Variants in CYP2A6 observed in about 807,000 individuals in gnomAD.
The protein encoded by CYP2A6 is cytochrome P450 family 2 subfamily A member 6, also known as cytochrome P450 2A6.
CYP2A6 carries 27 observed loss-of-function variants against 42.3 expected under a neutral mutation model. The observed-to-expected ratio is 0.64, with a 90% CI of 0.47 to 0.88. The LOEUF is 0.88. Among genes scored for constraint, CYP2A6 ranks in the 40% least tolerant of loss-of-function variants. The probability of loss-of-function intolerance (pLI) is 0.00; values close to 1 mark genes in which losing one functional copy is unlikely to be tolerated. For missense variants in CYP2A6, 628 were observed against 646.0 expected, an observed-to-expected ratio of 0.97 and a Z score of 0.30; for synonymous variants, 238 against 246.3, an observed-to-expected ratio of 0.97 and a Z score of 0.31.
chr19:40,845,896 C>T lies in CYP2A6; in HGVS notation c.973+60G>A, dbSNP rs1266706023. ...TCTGGGACAGGTGGGGACATTGCACCAGTCGAAGGGGAATTTTGAGGGTCT... is the reference window on the plus strand; with the variant it reads ...TCTGGGACAGGTGGGGACATTGCACTAGTCGAAGGGGAATTTTGAGGGTCT... On this transcript the variant is annotated intron_variant, in intron 6 of 8. Coordinates refer to ENST00000301141, the MANE Select transcript of CYP2A6 (RefSeq NM_000762.6). 1.1e-5 allele frequency: 18 copies of T among 1,584,620 alleles called. 1 individual carries two copies. The East Asian group carries it at 1.4e-4, about 12-fold the overall frequency.
At position 40,845,110 on chromosome 19, in the gene CYP2A6, A is replaced by C; in HGVS notation, c.1161+184T>G. On this transcript the variant is annotated intron_variant, in intron 7 of 8. Coordinates refer to ENST00000301141, the MANE Select transcript of CYP2A6 (RefSeq NM_000762.6). ...GATTCTCCTGACACAAAGAGTCTGGAGAGATGCAGGACTCAGGAGTGTCTA... is the reference window on the plus strand; with the variant it reads ...GATTCTCCTGACACAAAGAGTCTGGCGAGATGCAGGACTCAGGAGTGTCTA... The C allele has an allele frequency of 9.8e-6, 7 of 716,640 alleles. No homozygotes were observed. In the South Asian group the frequency reaches 1.1e-4, roughly 12 times the overall value. 44.4% of individuals were successfully genotyped at this position (716,640 alleles called of 1,614,324 possible).
chr19:40,845,595 G>C, intron 6 of CYP2A6, 114 bp from the exon 7 acceptor site: 2 of 1,493,210 alleles, frequency 1.3e-6, no homozygotes, highest in South Asian at 2.6e-5. Flanking sequence ...GACGGAAGTA[G>C]AGCATTCATA....
At chr19:40,848,967 AG>A (rs548652766) in intron 2 of CYP2A6, among the ~76,000 whole-genome samples, 67 of 117,262 alleles carry the variant, frequency 5.7e-4, no homozygotes, top group South Asian at 2.7e-3. Flanking sequence ...AGAGAGAGAG[AG>A]AGAGAGAGAA....
chr19:40,843,955 T>G lies in CYP2A6; in HGVS notation c.1326A>C (p.Glu442Asp). 2 of 1,608,106 alleles carry G rather than the reference T, an allele frequency of 1.2e-6. No individual in the cohort carries two copies. Among genetic ancestry groups the G allele is most frequent in the Non-Finnish European group, 8.5e-7 (1 of 1,178,074 alleles). The change falls in exon 9 of 9, where the codon GAA becomes GAC. Residue 442 changes from glutamate (E) to aspartate (D), a missense_variant. By Grantham distance (45) the Glu-to-Asp change is conservative. Coordinates refer to ENST00000301141, the MANE Select transcript of CYP2A6 (RefSeq NM_000762.6). The stretch of plus-strand genomic sequence containing the variant: ...GAAAGAGCTCCATTCTGGCCAGGCC[T>G]TCTCCGAAACAGTTCCGCTTTCCTG... ...FSIGKRNCFG[E>D]GLARMELFLF...
Position 40,844,779 on chromosome 19 carries a change from GGGA to G in CYP2A6, c.1162-10_1162-8del. On this transcript the variant is annotated splice_region_variant and splice_polypyrimidine_tract_variant and intron_variant, in intron 7 of 8. Transcript: ENST00000301141. ...TAGGGTACACTTCGGTGCCCTGGTA[GGGA>G]GGAGGAAGTTGTGTGTGATGAGGAG... 1 of 1,608,940 alleles carries G rather than the reference GGGA, an allele frequency of 6.2e-7. No individual in the cohort carries two copies. The highest frequency in any genetic ancestry group is 8.5e-7 in the Non-Finnish European group (1 of 1,178,416).
At chr19:40,846,648 C>T (rs1018308656) in intron 5 of CYP2A6, among the ~76,000 whole-genome samples, 13 of 151,468 alleles carry the variant, frequency 8.6e-5, no homozygotes, top group African/African-American at 3.2e-4. Context: ...CGGGGTTTGA[C>T]CATGTTGGCC....
chr19:40,845,359 T>G lies in CYP2A6; in HGVS notation c.1096A>C (p.Ile366Leu), dbSNP rs751304482. The change falls in exon 7 of 9, where the codon ATC becomes CTC. Residue 366 changes from isoleucine (I) to leucine (L), a missense_variant. By Grantham distance (5) the Ile-to-Leu change is conservative. This residue lies in a region of CYP2A6 where 606 missense variants were observed against 568.1 expected (regional missense o/e 1.07). Transcript: ENST00000301141. Reference protein sequence around the residue: ...IHEIQRFGDVIPMSLARRVKK... With the variant: ...IHEIQRFGDVLPMSLARRVKK... ...ACTCTGCGGGCCAAACTCATGGGGA[T>G]CACGTCTCCAAATCTTTGGATCTCG... is the stretch of plus-strand genomic sequence containing the variant. 6.2e-7 allele frequency: 1 copy of G among 1,611,594 alleles called. No homozygotes were observed. The highest frequency in any genetic ancestry group is 8.5e-7 in the Non-Finnish European group (1 of 1,179,888).
chr19:40,845,581 A>G (rs1322325773), intron 6 of CYP2A6, 100 bp from the exon 7 acceptor site: 2 of 1,535,584 alleles, frequency 1.3e-6, no homozygotes, highest in Non-Finnish European at 1.8e-6. Flanking sequence ...GGCTCCGCCT[A>G]TGAGACGGAA....
intron 2 of CYP2A6, 112 bp from the exon 3 acceptor site, chr19:40,848,875 G>C (rs531139871): frequency 9.0e-6 from 12 of 1,334,906 alleles, no homozygotes; most frequent in Admixed American, 2.2e-5. Flanking sequence ...GGGTGGGAGA[G>C]AGATGGATTC....
rs758101484 is a variant in CYP2A6 at position 40,848,604 on chromosome 19, C to G, written c.493+10G>C. 43 of 1,610,258 alleles carry G rather than the reference C, an allele frequency of 2.7e-5. No individual in the cohort carries two copies. Among genetic ancestry groups the G allele is most frequent in the Middle Eastern group, 1.6e-4 (1 of 6,066 alleles). On this transcript the variant is annotated intron_variant, in intron 3 of 8. Transcript: ENST00000301141. ...TTCTCCTGCCCCCGCACTCGGGGTCCCCTGCTCACCGCCAGTGCCCCGGAG... is the reference window on the plus strand; with the variant it reads ...TTCTCCTGCCCCCGCACTCGGGGTCGCCTGCTCACCGCCAGTGCCCCGGAG...
At position 40,848,096 on chromosome 19, in the gene CYP2A6, G is replaced by A. The variant is rs1040612046; in HGVS notation, c.654+123C>T. On this transcript the variant is annotated intron_variant, in intron 4 of 8. Transcript: ENST00000301141. The stretch of plus-strand genomic sequence containing the variant: ...TGCAACTGTCCAGTTGTCCAATATC[G>A]GGGACTGATTTTGAGGGGACACTGT... 1.4e-5 allele frequency: 22 copies of A among 1,518,000 alleles called. No homozygotes were observed. In the Admixed American group the frequency reaches 3.0e-4, roughly 20 times the overall value. 94.0% of individuals were successfully genotyped at this position (1,518,000 alleles called of 1,614,324 possible).
chr19:40,848,971 A>G (rs1395022961), intron 2 of CYP2A6, among the ~76,000 whole-genome samples: 13 of 108,278 alleles, frequency 1.2e-4, no homozygotes, highest in Non-Finnish European at 1.8e-4. Context: ...AGAGAGAGAG[A>G]GAGAGAAGAG....
rs148693084 is a variant in CYP2A6 at position 40,846,030 on chromosome 19, A to T, written c.899T>A (p.Ile300Asn). 2 of 1,611,390 alleles carry T rather than the reference A, an allele frequency of 1.2e-6. No individual in the cohort carries two copies. Among genetic ancestry groups the T allele is most frequent in the African/African-American group, 2.7e-5 (2 of 74,476 alleles). The change falls in exon 6 of 9, where the codon ATT (isoleucine) becomes AAT (asparagine). Residue 300 changes from isoleucine (I) to asparagine (N), a missense_variant. Transcript: ENST00000301141. ...NLVMTTLNLF[I>N]GGTETVSTTL... is the part of the protein sequence containing the mutation. ...GGTGCTGACGGTCTCGGTGCCCCCA[A>T]TGAAGAGGTTCAACGTGGTCATCAC...
At position 40,850,394 on chromosome 19, in the gene CYP2A6, C is replaced by G; in HGVS notation, c.33G>C (p.Leu11Phe). The change falls in exon 1 of 9, where the codon TTG becomes TTC. Residue 11 changes from leucine to phenylalanine, a missense_variant. Physicochemically the swap from Leu to Phe is conservative, Grantham distance 22 (BLOSUM62 0). Around this residue, in one of 2 missense-constraint regions of CYP2A6, gnomAD observed 606 missense variants for 568.1 expected, o/e 1.07. Transcript: ENST00000301141. ...AGACCATTACAGTCAGGCAGACCAGCAAGGCCACCAGAAGCATCCCTGAGG... is the reference window on the plus strand; with the variant it reads ...AGACCATTACAGTCAGGCAGACCAGGAAGGCCACCAGAAGCATCCCTGAGG... MLASGMLLVA[L>F]LVCLTVMVLM... 6.2e-7 allele frequency: 1 copy of G among 1,610,086 alleles called. No individual in the cohort carries two copies. Among genetic ancestry groups the G allele is most frequent in the Non-Finnish European group, 8.5e-7 (1 of 1,178,708 alleles).
intron 7 of CYP2A6, 114 bp from the exon 8 acceptor site, chr19:40,844,886 G>A (rs1411882312): frequency 8.7e-6 from 12 of 1,386,496 alleles, no homozygotes; most frequent in African/African-American, 2.9e-5. Flanking sequence ...GGCAGGCATG[G>A]AGGAGTTGGG....
At position 40,848,770 on chromosome 19, in the gene CYP2A6, A is replaced by C; in HGVS notation, c.344-7T>G. The C allele has an allele frequency of 1.2e-6, 2 of 1,610,206 alleles. No individual in the cohort carries two copies. ...CCGTTGCTGAATACCACGCCTGGGG[A>C]GGTGAACGCGGGAATGGAGACAGGC... is the stretch of plus-strand genomic sequence containing the variant. On this transcript the variant is annotated splice_polypyrimidine_tract_variant and splice_region_variant and intron_variant, in intron 2 of 8. Coordinates refer to ENST00000301141, the MANE Select transcript of CYP2A6 (RefSeq NM_000762.6).
intron 5 of CYP2A6, 114 bp downstream of exon 5, chr19:40,846,761 A>T (rs1967107889): frequency 6.9e-7 from 1 of 1,453,848 alleles, no homozygotes; most frequent in African/African-American, 1.4e-5. Context: ...AATTGTGAGG[A>T]TTATTATGAT....
rs1482866571 is a variant in CYP2A6 at position 40,847,130 on chromosome 19, T to C, written c.655-79A>G. 3.1e-5 allele frequency: 48 copies of C among 1,547,468 alleles called. No individual in the cohort carries two copies. The Admixed American group carries it at 3.4e-4, about 11-fold the overall frequency. ...GCTGATGGGAATGGGATTTGTTTCA[T>C]AGCAAGGAAGGAACTGAGTTAAAGG... On this transcript the variant is annotated intron_variant, in intron 4 of 8. Coordinates refer to ENST00000301141, the MANE Select transcript of CYP2A6 (RefSeq NM_000762.6).
chr19:40,847,256 G>A (rs2145123030), intron 4 of CYP2A6, among the ~76,000 whole-genome samples: 1 of 151,696 alleles, frequency 6.6e-6, no homozygotes, highest in African/African-American at 2.4e-5. Flanking sequence ...AGTAATTTAG[G>A]TGAGAAGAAC....
Sources: gnomAD v4.1 joint callset for allele counts (sites outside exome capture counted in the v4.1 genomes callset) on GRCh38, gnomAD v4.1.1 for gene constraint, gnomAD v4.1.1 regional missense constraint, MANE v1.5 for transcripts, NCBI Gene and HGNC (gene_info 2026-07-23, HGNC 2026-07-21) for gene names.